The following DHRS13 variants were observed in gnomAD, a reference collection of about 807,000 sequenced individuals.
DHRS13 encodes the protein dehydrogenase/reductase 13.
Under a neutral mutation model 17.9 loss-of-function variants are expected in DHRS13, and 22 were observed. The observed-to-expected ratio is 1.23, with a 90% CI of 0.88 to 1.75. The LOEUF (loss-of-function observed/expected upper bound fraction) is 1.75. DHRS13 is among the 40% of genes most tolerant of loss of function. The probability of loss-of-function intolerance (pLI) is 0.00; values close to 1 mark genes in which losing one functional copy is unlikely to be tolerated. For missense variants in DHRS13, 483 were observed against 519.9 expected (o/e 0.93, Z 0.69); for synonymous variants, 206 against 220.4 (o/e 0.93, Z 0.58).
rs750545604 is a variant in DHRS13, at chr17:28,901,273, C to T, written c.399G>A (p.Glu133=). Residue 133 remains glutamate, a synonymous_variant, in exon 4 of 5, where the codon GAG becomes GAA. Transcript: ENST00000378895. The surrounding 1 kb of genome is among the most constrained non-coding windows in gnomAD (Gnocchi z 4.3). ...AGISSCGRTR[E]AFNLLLRVNH... ...TCACCCGAAGCAGCAGGTTAAACGC[C>T]TCACGGGTCCGGCCACAGGAACTGA... 1 of 1,612,082 alleles carries T rather than the reference C, an allele frequency of 6.2e-7. No homozygotes were observed. Among genetic ancestry groups the T allele is most frequent in the Admixed American group, 1.7e-5 (1 of 59,904 alleles).
intron 4 of DHRS13, among the ~76,000 whole-genome samples, chr17:28,900,061 G>A (rs1032651297): frequency 3.3e-5 from 5 of 152,034 alleles, no homozygotes; most frequent in Admixed American, 6.5e-5. Flanking sequence ...TTACAGGCGC[G>A]CGCCACCACA....
rs1490154420 is a variant in DHRS13 at position 28,898,320 on chromosome 17, C to G, written c.*121G>C. The G allele has an allele frequency of 3.4e-6, 4 of 1,173,378 alleles. No individual in the cohort carries two copies. The Admixed American group carries it at 1.1e-4, about 33-fold the overall frequency. The allele number at this position is 1,173,378 out of a possible 1,614,324, so 72.7% of individuals were successfully genotyped here. On this transcript the variant is annotated 3_prime_UTR_variant, in exon 5 of 5. Coordinates refer to ENST00000378895, the MANE Select transcript of DHRS13 (RefSeq NM_144683.4). Reference sequence around the variant, plus strand: ...GAGATGTCCAGGGCACAGCTTGGGGCCCCAGAAAGTAACCACGGAGGTCAA... The same window carrying G: ...GAGATGTCCAGGGCACAGCTTGGGGGCCCAGAAAGTAACCACGGAGGTCAA...
chr17:28,901,100 C>T lies in DHRS13; in HGVS notation c.572G>A (p.Arg191Gln), dbSNP rs2277666. The T allele has an allele frequency of 2.3e-4, 371 of 1,614,162 alleles. 2 individuals are homozygous for T. The East Asian group carries it at 7.2e-3, about 31-fold the overall frequency. Residue 191 changes from arginine to glutamine, a missense_variant, in exon 4 of 5, where the codon CGG becomes CAG. Coordinates refer to ENST00000378895, the MANE Select transcript of DHRS13 (RefSeq NM_144683.4). The surrounding 1 kb of genome is among the most constrained non-coding windows in gnomAD (Gnocchi z 4.3). ...KRLDRPVVGW[R>Q]QELRAYADTK... is the part of the protein sequence containing the mutation. Reference sequence around the variant, plus strand: ...GTCAGCATATGCCCGCAGCTCCTGCCGCCAGCCCACCACTGGGCGGTCCAG... The same window carrying T: ...GTCAGCATATGCCCGCAGCTCCTGCTGCCAGCCCACCACTGGGCGGTCCAG...
chr17:28,898,926 G>T, intron 4 of DHRS13, 34 bp from the exon 5 acceptor site: 1 of 1,529,302 alleles, frequency 6.5e-7, no homozygotes, highest in Non-Finnish European at 8.8e-7. Context: ...AGTCGGGCTA[G>T]GCACAGTGGT....
chr17:28,898,941 AT>A, intron 4 of DHRS13, 49 bp from the exon 5 acceptor site: 1 of 1,503,388 alleles, frequency 6.7e-7, no homozygotes, highest in Non-Finnish European at 8.9e-7. Flanking sequence ...AGTGGTGTGT[AT>A]TTACAGTCAC....
rs1396516895 is a variant in DHRS13 at position 28,901,529 on chromosome 17, A to G, written c.334T>C (p.Ser112Pro). 7 of 1,614,022 alleles carry G rather than the reference A, an allele frequency of 4.3e-6. No individual in the cohort carries two copies. Among genetic ancestry groups the G allele is most frequent in the Non-Finnish European group, 5.9e-6 (7 of 1,180,018 alleles). The change falls in exon 3 of 5, where the codon TCT becomes CCT. Residue 112 changes from serine (S) to proline (P), a missense_variant. Coordinates refer to ENST00000378895, the MANE Select transcript of DHRS13 (RefSeq NM_144683.4). The surrounding 1 kb of genome is among the most constrained non-coding windows in gnomAD (Gnocchi z 4.3). ...ATGAGGATGTCCAACCGTGGCTCAG[A>G]GCTCAGAAAGGCAGTGGCAAAGGCC... ...VRAFATAFLS[S>P]EPRLDILIHN...
Position 28,902,877 on chromosome 17 carries a change from A to T in DHRS13, c.68T>A (p.Val23Glu). 1.3e-6 allele frequency: 2 copies of T among 1,554,982 alleles called. No individual in the cohort carries two copies. Among genetic ancestry groups the T allele is most frequent in the Non-Finnish European group, 1.7e-6 (2 of 1,158,950 alleles). Residue 23 changes from valine to glutamate, a missense_variant, in exon 1 of 5, where the codon GTG becomes GAG. Val to Glu is a moderately radical substitution (Grantham distance 121, BLOSUM62 -2). Transcript: ENST00000378895. This position sits in a 1 kb window ranked among gnomAD's most constrained non-coding sequence, Gnocchi z 4.0. ...CATGCCGCCGCACGGCGGGGCCTTCACCAGGTTGTAGTAGACAAGCACGTA... is the reference window on the plus strand; with the variant it reads ...CATGCCGCCGCACGGCGGGGCCTTCTCCAGGTTGTAGTAGACAAGCACGTA... ...GAYVLVYYNL[V>E]KAPPCGGMGN...
Position 28,899,098 on chromosome 17 carries a change from G to T in DHRS13, c.683-206C>A. 1.9e-6 allele frequency: 1 copy of T among 534,954 alleles called. No individual in the cohort carries two copies. The highest frequency in any genetic ancestry group is 2.7e-5 in the South Asian group (1 of 37,510). The allele number at this position is 534,954 out of a possible 1,614,324, so 33.1% of individuals were successfully genotyped here. A position where few individuals can be genotyped will look rare whatever the true frequency, so the allele number is the denominator to read the frequency against. ...AGCTAGAAGAACAGGGACAGAATCTGGTTTCAAGGGAACCAGGATAGTATT... is the reference window on the plus strand; with the variant it reads ...AGCTAGAAGAACAGGGACAGAATCTTGTTTCAAGGGAACCAGGATAGTATT... On this transcript the variant is annotated intron_variant, in intron 4 of 4. Coordinates refer to ENST00000378895, the MANE Select transcript of DHRS13 (RefSeq NM_144683.4). The surrounding 1 kb of genome is among the most constrained non-coding windows in gnomAD (Gnocchi z 4.7).
At position 28,901,696 on chromosome 17, in the gene DHRS13, C is replaced by T; in HGVS notation, c.247-80G>A. On this transcript the variant is annotated intron_variant, in intron 2 of 4. Coordinates refer to ENST00000378895, the MANE Select transcript of DHRS13 (RefSeq NM_144683.4). This position sits in a 1 kb window ranked among gnomAD's most constrained non-coding sequence, Gnocchi z 4.3. ...TCCCCAGGCACCAAATTCTGAGAGT[C>T]CATCTCCTACTGTTTACTAAAATCT... is the stretch of plus-strand genomic sequence containing the variant. 4 of 1,581,310 alleles carry T rather than the reference C, an allele frequency of 2.5e-6. No individual in the cohort carries two copies. The highest frequency in any genetic ancestry group is 1.1e-5 in the South Asian group (1 of 87,156).
In DHRS13 at chr17:28,902,952, G is replaced by GCGCCTCCCGGCTCCCGCCCAGGCCC; in HGVS notation, c.-33_-9dup. On this transcript the variant is annotated 5_prime_UTR_variant, in exon 1 of 5. Coordinates refer to ENST00000378895, the MANE Select transcript of DHRS13 (RefSeq NM_144683.4). The surrounding 1 kb of genome is among the most constrained non-coding windows in gnomAD (Gnocchi z 4.0). The stretch of plus-strand genomic sequence containing the variant: ...CAGCAGCAGCGCCTCCATGCCGGCC[G>GCGCCTCCCGGCTCCCGCCCAGGCCC]CGCCTCCCGGCTCCCGCCCAGGCCC... 1 of 1,512,772 alleles carries GCGCCTCCCGGCTCCCGCCCAGGCCC rather than the reference G, an allele frequency of 6.6e-7. No homozygotes were observed. The highest frequency in any genetic ancestry group is 8.8e-7 in the Non-Finnish European group (1 of 1,137,196). 93.7% of individuals were successfully genotyped at this position (1,512,772 alleles called of 1,614,324 possible). A position where few individuals can be genotyped will look rare whatever the true frequency, so the allele number is the denominator to read the frequency against.
At position 28,901,067 on chromosome 17, in the gene DHRS13, A is replaced by T. The variant is rs1567942351; in HGVS notation, c.605T>A (p.Leu202Gln). 6.2e-7 allele frequency: 1 copy of T among 1,614,152 alleles called. No individual in the cohort carries two copies. The highest frequency in any genetic ancestry group is 8.5e-7 in the Non-Finnish European group (1 of 1,180,000). ...CTCCCGGGCAAACAGTACATTAGCC[A>T]GCTTAGTGTCAGCATATGCCCGCAG... ...QELRAYADTK[L>Q]ANVLFARELA... The change falls in exon 4 of 5, where the codon CTG becomes CAG. Residue 202 changes from leucine (L) to glutamine (Q), a missense_variant. Leu to Gln is a moderately radical substitution (Grantham distance 113). Coordinates refer to ENST00000378895, the MANE Select transcript of DHRS13 (RefSeq NM_144683.4). The surrounding 1 kb of genome is among the most constrained non-coding windows in gnomAD (Gnocchi z 4.3).
chr17:28,901,333 C>T lies in DHRS13; in HGVS notation c.371-32G>A. 1 of 1,584,870 alleles carries T rather than the reference C, an allele frequency of 6.3e-7. No individual in the cohort carries two copies. The highest frequency in any genetic ancestry group is 8.6e-7 in the Non-Finnish European group (1 of 1,163,840). On this transcript the variant is annotated intron_variant, in intron 3 of 4. Coordinates refer to ENST00000378895, the MANE Select transcript of DHRS13 (RefSeq NM_144683.4). This position sits in a 1 kb window ranked among gnomAD's most constrained non-coding sequence, Gnocchi z 4.3. ...CAGAGGCTAAATGTGAGCGGCTGCT[C>T]CAGAAGGAGCTCTGCAGCCTTGGCA...
rs2039803634 is a variant in DHRS13 at position 28,901,338 on chromosome 17, AGG to A, written c.371-39_371-38del. 24 of 1,584,390 alleles carry A rather than the reference AGG, an allele frequency of 1.5e-5. No individual in the cohort carries two copies. Among genetic ancestry groups the A allele is most frequent in the Non-Finnish European group, 1.9e-5 (22 of 1,163,532 alleles). On this transcript the variant is annotated intron_variant, in intron 3 of 4. Coordinates refer to ENST00000378895, the MANE Select transcript of DHRS13 (RefSeq NM_144683.4). This position sits in a 1 kb window ranked among gnomAD's most constrained non-coding sequence, Gnocchi z 4.3. ...GCTAAATGTGAGCGGCTGCTCCAGA[AGG>A]AGCTCTGCAGCCTTGGCATCCCTAT...
chr17:28,901,014 C>A lies in DHRS13; in HGVS notation c.658G>T (p.Val220Phe). Residue 220 changes from valine to phenylalanine, a missense_variant, in exon 4 of 5, where the codon GTC becomes TTC. Val to Phe is a conservative substitution (Grantham distance 50). Coordinates refer to ENST00000378895, the MANE Select transcript of DHRS13 (RefSeq NM_144683.4). This position sits in a 1 kb window ranked among gnomAD's most constrained non-coding sequence, Gnocchi z 4.3. ...ELANQLEATG[V>F]TCYAAHPGPV... ...CCTGGGTGGGCTGCATAGCAGGTGACGCCAGTGGCCTCAAGCTGGTTGGCG... is the reference window on the plus strand; with the variant it reads ...CCTGGGTGGGCTGCATAGCAGGTGAAGCCAGTGGCCTCAAGCTGGTTGGCG... 1 of 1,604,876 alleles carries A rather than the reference C, an allele frequency of 6.2e-7. No homozygotes were observed. The highest frequency in any genetic ancestry group is 8.5e-7 in the Non-Finnish European group (1 of 1,173,802).
chr17:28,901,882 G>A lies in DHRS13; in HGVS notation c.247-266C>T, dbSNP rs2039808604. 6.5e-6 allele frequency: 3 copies of A among 458,308 alleles called. No individual in the cohort carries two copies. The highest frequency in any genetic ancestry group is 8.0e-5 in the Admixed American group (2 of 25,096). The allele number at this position is 458,308 out of a possible 1,614,324, so 28.4% of individuals were successfully genotyped here. ...ATAACAACAGTCCCAATCTCACTGA[G>A]CTTTTGTGAGGATGAAAGGAGTTAA... On this transcript the variant is annotated intron_variant, in intron 2 of 4. Coordinates refer to ENST00000378895, the MANE Select transcript of DHRS13 (RefSeq NM_144683.4). The surrounding 1 kb of genome is among the most constrained non-coding windows in gnomAD (Gnocchi z 4.3).
rs947695282 is a variant in DHRS13 at position 28,898,825 on chromosome 17, C to T, written c.750G>A (p.Leu250=). 6.2e-7 allele frequency: 1 copy of T among 1,609,370 alleles called. No individual in the cohort carries two copies. The highest frequency in any genetic ancestry group is 8.5e-7 in the Non-Finnish European group (1 of 1,177,842). ...TTGGTGCCCGGAGCACCAGCCAAGC[C>T]AATGGGCGCAAAAGTGGGCGCAGCC... ...PGWLRPLLRP[L]AWLVLRAPRG... The change falls in exon 5 of 5, where the codon TTG becomes TTA. Residue 250 remains leucine (L), a synonymous_variant. Coordinates refer to ENST00000378895, the MANE Select transcript of DHRS13 (RefSeq NM_144683.4).
At position 28,902,940 on chromosome 17, in the gene DHRS13, T is replaced by C; in HGVS notation, c.5A>G (p.Glu2Gly). 2.0e-6 allele frequency: 3 copies of C among 1,536,394 alleles called. No homozygotes were observed. The highest frequency in any genetic ancestry group is 1.9e-5 in the Admixed American group (1 of 53,614). M[E>G]ALLLGAGLLL... Reference sequence around the variant, plus strand: ...CAACCCCGCGCCCAGCAGCAGCGCCTCCATGCCGGCCGCGCCTCCCGGCTC... The same window carrying C: ...CAACCCCGCGCCCAGCAGCAGCGCCCCCATGCCGGCCGCGCCTCCCGGCTC... The change falls in exon 1 of 5, where the codon GAG (glutamate) becomes GGG (glycine). Residue 2 changes from glutamate (E) to glycine (G), a missense_variant. Coordinates refer to ENST00000378895, the MANE Select transcript of DHRS13 (RefSeq NM_144683.4). This position sits in a 1 kb window ranked among gnomAD's most constrained non-coding sequence, Gnocchi z 4.0.
chr17:28,900,898 G>C (rs973115120), intron 4 of DHRS13, 92 bp downstream of exon 4: 1 of 1,335,014 alleles, frequency 7.5e-7, no homozygotes, highest in African/African-American at 1.5e-5. Flanking sequence ...CTCAATGAGG[G>C]ATGGAGGGTG....
In DHRS13 at chr17:28,898,543, G is replaced by A; in HGVS notation, c.1032C>T (p.Pro344=). Residue 344 remains proline, a synonymous_variant, in exon 5 of 5, where the codon CCC becomes CCT. Coordinates refer to ENST00000378895, the MANE Select transcript of DHRS13 (RefSeq NM_144683.4). ...SSLSTPHPEE[P]TVSQPYPSPQ... ...GGCTGGGGTAAGGTTGAGAAACTGT[G>A]GGCTCCTCAGGGTGGGGGGTGCTTA... 6.2e-7 allele frequency: 1 copy of A among 1,611,662 alleles called. No homozygotes were observed. The highest frequency in any genetic ancestry group is 8.5e-7 in the Non-Finnish European group (1 of 1,179,052).
Sources: gnomAD v4.1 joint callset for allele counts (sites outside exome capture counted in the v4.1 genomes callset) on GRCh38, gnomAD v4.1.1 for gene constraint, Gnocchi (gnomAD v3.1) non-coding constraint, MANE v1.5 for transcripts, NCBI Gene and HGNC (gene_info 2026-07-23, HGNC 2026-07-21) for gene names.